EDIL3: variants seen among roughly 807,000 people sequenced by gnomAD.
EDIL3 encodes EGF like and discoidin domains 3.
EDIL3 carries 37 observed loss-of-function variants against 67.4 expected under a neutral mutation model. The ratio of observed to expected loss-of-function variants is 0.55; its 90% CI spans 0.42 to 0.72. EDIL3 has a LOEUF of 0.72. Among genes scored for constraint, EDIL3 ranks in the 30% least tolerant of loss-of-function variants. EDIL3 has a pLI of 0.00. For synonymous variants in EDIL3, 195 were observed against 196.3 expected (o/e 0.99, Z 0.05); for missense variants, 527 against 586.3 (o/e 0.90, Z 1.04).
intron 1 of EDIL3, among the ~76,000 whole-genome samples, chr5:84,305,836 G>A (rs978494737): frequency 1.4e-4 from 21 of 152,056 alleles, no homozygotes; most frequent in African/African-American, 4.8e-4. Flanking sequence ...CCAAAATCAT[G>A]CCATTGCACT....
chr5:84,274,014 C>T (rs73769789), intron 1 of EDIL3, among the ~76,000 whole-genome samples: 85 of 152,178 alleles, frequency 5.6e-4, no homozygotes, highest in African/African-American at 2.0e-3. Flanking sequence ...TATTTTTCCC[C>T]TATCTTTGTC....
At chr5:84,136,774 G>A (rs756609706) in intron 5 of EDIL3, among the ~76,000 whole-genome samples, 3 of 151,946 alleles carry the variant, frequency 2.0e-5, no homozygotes, top group Non-Finnish European at 2.9e-5. Context: ...GGCTCCTCTT[G>A]CTGAGGCCTC....
chr5:84,343,947 G>A (rs569572613), intron 1 of EDIL3, among the ~76,000 whole-genome samples: 1 of 152,090 alleles, frequency 6.6e-6, no homozygotes, highest in Non-Finnish European at 1.5e-5. Flanking sequence ...TTCCCATTAG[G>A]ATTTTGACAT....
intron 1 of EDIL3, among the ~76,000 whole-genome samples, chr5:84,346,125 CTTTTTTTTTCTTTTTT>C (rs956759336): frequency 1.6e-5 from 2 of 125,110 alleles, no homozygotes; most frequent in Non-Finnish European, 3.4e-5. Context: ...AGTCATCAAA[CTTTTTTTTTCTTTTTT>C]TTTTTTTTTT....
intron 1 of EDIL3, among the ~76,000 whole-genome samples, chr5:84,291,682 AG>A (rs1262770739): frequency 2.0e-5 from 3 of 147,682 alleles, no homozygotes; most frequent in African/African-American, 7.4e-5. Context: ...CTATCTATAT[AG>A]ATATATCTAT....
intron 1 of EDIL3, among the ~76,000 whole-genome samples, chr5:84,298,922 C>T (rs1746101195): frequency 6.6e-6 from 1 of 152,192 alleles, no homozygotes; most frequent in Admixed American, 6.5e-5. Context: ...GCTGCTTCTT[C>T]ATCCTCTACT....
intron 9 of EDIL3, among the ~76,000 whole-genome samples, chr5:84,059,345 G>C (rs556096559): frequency 6.6e-6 from 1 of 152,140 alleles, no homozygotes; most frequent in Non-Finnish European, 1.5e-5. Context: ...TAAGGCAACA[G>C]TGAGCTATGA....
chr5:84,244,578 T>G (rs1286122259), intron 2 of EDIL3, among the ~76,000 whole-genome samples: 1 of 152,002 alleles, frequency 6.6e-6, no homozygotes, highest in African/African-American at 2.4e-5. Flanking sequence ...CATGAGCCAC[T>G]GCTCCAGGCC....
chr5:84,008,739 A>C (rs1745468411), intron 9 of EDIL3, among the ~76,000 whole-genome samples: 1 of 152,154 alleles, frequency 6.6e-6, no homozygotes, highest in Non-Finnish European at 1.5e-5. Flanking sequence ...GTTAAAAATA[A>C]GTGAGGATAA....
At chr5:84,182,760 C>A (rs1462624131) in intron 3 of EDIL3, among the ~76,000 whole-genome samples, 1 of 151,906 alleles carries the variant, frequency 6.6e-6, no homozygotes, top group African/African-American at 2.4e-5. Context: ...ACCTTGACTT[C>A]CCGATAGGAC....
chr5:84,105,229 AT>A (rs951404589), intron 6 of EDIL3, among the ~76,000 whole-genome samples: 22 of 152,102 alleles, frequency 1.4e-4, no homozygotes, highest in Non-Finnish European at 1.5e-5. Context: ...TCTGGAGTTC[AT>A]TTTGCACATG....
At chr5:84,295,197 G>T (rs1746021993) in intron 1 of EDIL3, among the ~76,000 whole-genome samples, 1 of 151,934 alleles carries the variant, frequency 6.6e-6, no homozygotes, top group Non-Finnish European at 1.5e-5. Flanking sequence ...AAATATTTTT[G>T]ATTACATAAC....
chr5:83,972,668 A>G (rs916548435), intron 9 of EDIL3, among the ~76,000 whole-genome samples: 2 of 152,102 alleles, frequency 1.3e-5, no homozygotes, highest in Non-Finnish European at 2.9e-5. Flanking sequence ...GACTCCATGT[A>G]TACGAATGAA....
intron 5 of EDIL3, among the ~76,000 whole-genome samples, chr5:84,112,513 C>A (rs1230917974): frequency 6.6e-6 from 1 of 152,174 alleles, no homozygotes; most frequent in South Asian, 2.1e-4. Flanking sequence ...TAAAATTTAT[C>A]AAAAATCATT....
intron 4 of EDIL3, among the ~76,000 whole-genome samples, chr5:84,150,340 G>A (rs372456553): frequency 4.6e-5 from 7 of 151,838 alleles, no homozygotes; most frequent in Middle Eastern, 3.2e-3. Flanking sequence ...AATTTTAAGA[G>A]AATTAAAAGA....
chr5:84,180,157 TAA>T (rs1441531589), intron 4 of EDIL3, among the ~76,000 whole-genome samples: 1 of 151,944 alleles, frequency 6.6e-6, no homozygotes, highest in Non-Finnish European at 1.5e-5. Context: ...GGGGCAATAA[TAA>T]AAAGGGATGA....
chr5:84,347,038 A>G (rs1236540131), intron 1 of EDIL3, among the ~76,000 whole-genome samples: 1 of 152,194 alleles, frequency 6.6e-6, no homozygotes, highest in Non-Finnish European at 1.5e-5. Context: ...AAAATTGAGA[A>G]ATTACCATAA....
chr5:83,986,280 G>C (rs1745056349), intron 9 of EDIL3, among the ~76,000 whole-genome samples: 1 of 152,068 alleles, frequency 6.6e-6, no homozygotes, highest in South Asian at 2.1e-4. Context: ...AAATAACCAA[G>C]ATGTAGTTTA....
At chr5:84,148,528 T>C (rs1210546927) in intron 4 of EDIL3, among the ~76,000 whole-genome samples, 1 of 152,202 alleles carries the variant, frequency 6.6e-6, no homozygotes, top group Non-Finnish European at 1.5e-5. Context: ...CTGACATCTG[T>C]AGCTTAAAGA....
Sources: gnomAD v4.1 joint callset for allele counts (sites outside exome capture counted in the v4.1 genomes callset) on GRCh38, gnomAD v4.1.1 for gene constraint, MANE v1.5 for transcripts, NCBI Gene and HGNC (gene_info 2026-07-23, HGNC 2026-07-21) for gene names.